KDM3A: variants seen among roughly 807,000 people sequenced by gnomAD.
The protein encoded by KDM3A is lysine-specific demethylase 3A.
Under a neutral mutation model 158.0 loss-of-function variants are expected in KDM3A, and 60 were observed. The observed-to-expected ratio is 0.38, with a 90% confidence interval of 0.31 to 0.47. KDM3A has a LOEUF of 0.47. Ranked by LOEUF, KDM3A falls within the 20% of genes least tolerant of loss-of-function variation. The pLI is 0.99. For missense variants in KDM3A, 1,319 were observed against 1,574.3 expected, an observed-to-expected ratio of 0.84 and a Z score of 2.74; for synonymous variants, 608 against 549.3, an observed-to-expected ratio of 1.11 and a Z score of -1.49.
chr2:86,437,223 C>T (rs1378272402), upstream of KDM3A, among the ~76,000 whole-genome samples: 2 of 151,934 alleles, frequency 1.3e-5, no homozygotes, highest in East Asian at 1.9e-4. Flanking sequence ...TCACTGCAAC[C>T]TCTGCTTCCT....
At chr2:86,442,821 A>G (rs1019434985) in intron 2 of KDM3A, among the ~76,000 whole-genome samples, 1 of 152,040 alleles carries the variant, frequency 6.6e-6, no homozygotes, top group Non-Finnish European at 1.5e-5. Context: ...GGTGTGGGAT[A>G]TGACCATATA....
At chr2:86,450,569 C>T (rs1672414503) in intron 3 of KDM3A, among the ~76,000 whole-genome samples, 1 of 152,132 alleles carries the variant, frequency 6.6e-6, no homozygotes, top group Non-Finnish European at 1.5e-5. Context: ...CTGGAGAGGG[C>T]ACTTTAGTCT....
chr2:86,437,195 C>T (rs777093181), upstream of KDM3A, among the ~76,000 whole-genome samples: 8 of 151,650 alleles, frequency 5.3e-5, no homozygotes, highest in South Asian at 8.4e-4. Context: ...GGCTGGAGTG[C>T]AGTGGCGTGA....
chr2:86,446,740 A>G (rs1368095069), intron 2 of KDM3A, among the ~76,000 whole-genome samples: 1 of 152,210 alleles, frequency 6.6e-6, no homozygotes, highest in Admixed American at 6.5e-5. Context: ...TTTTGTAGAA[A>G]TGTCCACAGA....
intron 21 of KDM3A, chr2:86,487,910 G>A (rs1328301456): frequency 2.5e-5 from 3 of 121,048 alleles, no homozygotes. Context: ...TTTGCACTGT[G>A]GCACTGGCTG....
chr2:86,491,548 T>G, intron 25 of KDM3A: 1 of 435,928 alleles, frequency 2.3e-6, no homozygotes, highest in Non-Finnish European at 4.2e-6. Context: ...TAGATGTGAC[T>G]TCTGATCTTG....
chr2:86,457,107 C>T (rs894898289), intron 8 of KDM3A, 36 bp downstream of exon 8: 1 of 968,708 alleles, frequency 1.0e-6, no homozygotes, highest in Non-Finnish European at 1.5e-6. Context: ...TAAAGCTTTC[C>T]TTAACTCCAA....
At chr2:86,458,732 A>G (rs750999641) in intron 8 of KDM3A, among the ~76,000 whole-genome samples, 1 of 152,192 alleles carries the variant, frequency 6.6e-6, no homozygotes, top group South Asian at 2.1e-4. Context: ...TCATTGTGGC[A>G]GGGGCACAGG....
intron 12 of KDM3A, among the ~76,000 whole-genome samples, chr2:86,476,571 A>G (rs796515553): frequency 6.6e-6 from 1 of 152,322 alleles, no homozygotes; most frequent in Middle Eastern, 3.4e-3. Flanking sequence ...TGATCCTGAG[A>G]TTAGGGAGCA....
intron 15 of KDM3A, 109 bp downstream of exon 15, chr2:86,478,844 C>CT: frequency 9.9e-7 from 1 of 1,012,490 alleles, no homozygotes. Context: ...CTGGGGATAG[C>CT]TATCAAGTGG....
In KDM3A at chr2:86,484,022, C is replaced by T. The variant is rs966838976; in HGVS notation, c.2958C>T (p.Asn986=). The T allele has an allele frequency of 6.2e-7, 1 of 1,613,862 alleles. No homozygotes were observed. The highest frequency in any genetic ancestry group is 1.7e-5 in the Admixed American group (1 of 59,996). ...TGTCTGGAGTGCATCATAAATTGAA[C>T]TCTGAACTTTGGAAACCTGAATCCT... ...VMVSGVHHKL[N]SELWKPESFR... is the part of the protein sequence containing the mutation. Residue 986 remains asparagine, a synonymous_variant, in exon 19 of 26, where the codon AAC becomes AAT. Transcript: ENST00000312912.
intron 12 of KDM3A, 52 bp downstream of exon 12, chr2:86,475,042 TC>T: frequency 1.4e-6 from 2 of 1,442,374 alleles, no homozygotes; most frequent in African/African-American, 1.4e-5. Flanking sequence ...TGATTTTTGT[TC>T]CTAAGTGACA....
At chr2:86,442,446 A>C in intron 2 of KDM3A, 1 of 541,868 alleles carries the variant, frequency 1.8e-6, no homozygotes, top group Non-Finnish European at 3.3e-6. Flanking sequence ...GGCTTTAATA[A>C]TGGGCTTAGG....
chr2:86,469,490 C>T (rs1413056146), intron 10 of KDM3A, among the ~76,000 whole-genome samples: 1 of 152,220 alleles, frequency 6.6e-6, no homozygotes, highest in Non-Finnish European at 1.5e-5. Flanking sequence ...TTTCCTGATA[C>T]ATGTCTACCT....
intron 1 of KDM3A, among the ~76,000 whole-genome samples, 179 bp from the exon 2 acceptor site, chr2:86,441,839 G>T (rs1221655679): frequency 6.7e-6 from 1 of 149,436 alleles, no homozygotes; most frequent in African/African-American, 2.4e-5. Flanking sequence ...TGGGGCCCGG[G>T]TGTGTGGCGG....
chr2:86,455,640 A>G (rs1281614510), intron 5 of KDM3A, among the ~76,000 whole-genome samples: 1 of 152,164 alleles, frequency 6.6e-6, no homozygotes, highest in Admixed American at 6.5e-5. Flanking sequence ...TTCAGGGATT[A>G]TATGAAACTA....
At chr2:86,485,965 C>A in intron 21 of KDM3A, 106 bp downstream of exon 21, 1 of 1,100,454 alleles carries the variant, frequency 9.1e-7, no homozygotes, top group Non-Finnish European at 1.3e-6. Context: ...AATCCTAATG[C>A]GTAATACAGC....
chr2:86,471,133 A>G (rs956370790), intron 11 of KDM3A, among the ~76,000 whole-genome samples: 7 of 152,120 alleles, frequency 4.6e-5, no homozygotes, highest in Non-Finnish European at 5.9e-5. Flanking sequence ...GCATGCTCCC[A>G]TGGTCTCTGT....
intron 5 of KDM3A, among the ~76,000 whole-genome samples, chr2:86,455,840 C>T (rs573531924): frequency 7.2e-4 from 109 of 151,322 alleles, no homozygotes; most frequent in Admixed American, 1.4e-3. Context: ...CCTGTAATCC[C>T]AGCTACTCAG....
Sources: allele counts gnomAD v4.1 joint callset (sites outside exome capture counted in the v4.1 genomes callset), GRCh38; gene constraint gnomAD v4.1.1; transcripts MANE v1.5; gene names NCBI Gene and HGNC (gene_info 2026-07-23, HGNC 2026-07-21).